Variants in SGCZ observed in about 807,000 individuals in gnomAD.
SGCZ encodes the protein sarcoglycan zeta.
A neutral mutation model predicts 41.3 loss-of-function variants in SGCZ; 40 were observed. The observed-to-expected ratio is 0.97, with a 90% CI of 0.75 to 1.26. SGCZ has a LOEUF of 1.26. Ranked by LOEUF, SGCZ falls within the 50% of genes most tolerant of loss-of-function variation. The pLI is 0.00. For missense variants in SGCZ, 552 were observed against 369.8 expected (o/e 1.49, Z -4.04); for synonymous variants, 206 against 137.5 (o/e 1.50, Z -3.49).
intron 2 of SGCZ, among the ~76,000 whole-genome samples, chr8:14,430,231 G>A (rs967595982): frequency 2.0e-5 from 3 of 151,932 alleles, no homozygotes; most frequent in Non-Finnish European, 4.4e-5. Flanking sequence ...AACCAGGAAA[G>A]GACATAAACA....
chr8:14,638,264 G>T (rs554122541), intron 1 of SGCZ, among the ~76,000 whole-genome samples: 1 of 151,726 alleles, frequency 6.6e-6, no homozygotes, highest in Non-Finnish European at 1.5e-5. Context: ...AGTCTACTCC[G>T]TTGCTTCATC....
At chr8:14,232,829 C>T (rs887478325) in intron 4 of SGCZ, among the ~76,000 whole-genome samples, 1 of 151,906 alleles carries the variant, frequency 6.6e-6, no homozygotes, top group African/African-American at 2.4e-5. Flanking sequence ...ACAAGGATAC[C>T]TATGATGAAA....
intron 2 of SGCZ, among the ~76,000 whole-genome samples, chr8:14,505,791 C>G (rs570783262): frequency 6.6e-6 from 1 of 152,136 alleles, no homozygotes; most frequent in Admixed American, 6.6e-5. Context: ...TGTAATGGTT[C>G]TCAAAAACTG....
chr8:14,744,393 C>T (rs1190637309), intron 1 of SGCZ, among the ~76,000 whole-genome samples: 1 of 152,102 alleles, frequency 6.6e-6, no homozygotes, highest in East Asian at 1.9e-4. Flanking sequence ...GGCTGTCTGC[C>T]CAAAGCCAGA....
chr8:14,348,396 C>T (rs1344911428), intron 2 of SGCZ, among the ~76,000 whole-genome samples: 12 of 152,108 alleles, frequency 7.9e-5, no homozygotes, highest in Non-Finnish European at 7.4e-5. Context: ...GAGCAGTGAG[C>T]AACTGAACCT....
intron 4 of SGCZ, among the ~76,000 whole-genome samples, chr8:14,205,252 A>C (rs1050655227): frequency 6.6e-6 from 1 of 152,100 alleles, no homozygotes; most frequent in Non-Finnish European, 1.5e-5. Context: ...CTCTGGAGAC[A>C]TCAATTGAAA....
At chr8:14,240,355 AG>A (rs1175335415) in intron 3 of SGCZ, among the ~76,000 whole-genome samples, 38 of 132,178 alleles carry the variant, frequency 2.9e-4, no homozygotes, top group Admixed American at 2.2e-3. Flanking sequence ...AAAAAAAAAA[AG>A]AACTGAAAGT....
chr8:14,586,505 G>A (rs922585705), intron 1 of SGCZ, among the ~76,000 whole-genome samples: 15 of 152,036 alleles, frequency 9.9e-5, no homozygotes, highest in Non-Finnish European at 1.8e-4. Flanking sequence ...TAGCCACCAC[G>A]CCCAGCGCAA....
At chr8:14,147,268 C>A (rs1465784587) in intron 5 of SGCZ, among the ~76,000 whole-genome samples, 5 of 151,976 alleles carry the variant, frequency 3.3e-5, no homozygotes, top group African/African-American at 1.2e-4. Context: ...AAGACAGTGA[C>A]TGGCTGAATA....
chr8:15,052,024 C>T (rs1177016647), intron 1 of SGCZ, among the ~76,000 whole-genome samples: 1 of 152,050 alleles, frequency 6.6e-6, no homozygotes, highest in Non-Finnish European at 1.5e-5. Flanking sequence ...AATGTCAAAG[C>T]TTGGATGGTG....
chr8:15,042,279 G>A (rs7004485), intron 1 of SGCZ, among the ~76,000 whole-genome samples: 54,339 of 152,002 alleles, frequency 0.36, 9,772 homozygotes, highest in South Asian at 0.51. Context: ...CCTAGCTGAC[G>A]GCAGTTCCCT....
chr8:14,913,039 A>T (rs993320268), intron 1 of SGCZ, among the ~76,000 whole-genome samples: 1 of 152,082 alleles, frequency 6.6e-6, no homozygotes, highest in African/African-American at 2.4e-5. Context: ...TTCATAATGC[A>T]TGCTGTCATA....
chr8:15,070,361 T>A (rs1033308703), intron 1 of SGCZ, among the ~76,000 whole-genome samples: 9 of 152,210 alleles, frequency 5.9e-5, no homozygotes, highest in Non-Finnish European at 1.5e-5. Context: ...TATATATACA[T>A]GCTTGTTTCA....
rs185076878 is a variant in SGCZ at position 14,562,305 on chromosome 8, C to T, written c.40-7379G>A. 3.0e-4 allele frequency among the ~76,000 whole-genome samples: 46 copies of T among 152,016 alleles called. No individual in the cohort carries two copies. In the South Asian group the frequency reaches 5.0e-3, roughly 17 times the overall value. On this transcript the variant is annotated intron_variant, in intron 1 of 7. Transcript: ENST00000382080. ...TTGTTTTCATTTAATAAAATATTTA[C>T]GAGTGAAAACTATTGGAAGGTAGAG...
At chr8:14,269,727 C>T (rs1172766877) in intron 3 of SGCZ, among the ~76,000 whole-genome samples, 1 of 152,062 alleles carries the variant, frequency 6.6e-6, no homozygotes, top group Non-Finnish European at 1.5e-5. Flanking sequence ...TCACCATCCC[C>T]AGTGAGTGTA....
chr8:15,058,491 T>C (rs1411862847), intron 1 of SGCZ, among the ~76,000 whole-genome samples: 1 of 152,222 alleles, frequency 6.6e-6, no homozygotes, highest in Non-Finnish European at 1.5e-5. Context: ...CAGTAATAAA[T>C]ACTATAACAA....
At chr8:14,764,681 G>C (rs1364066029) in intron 1 of SGCZ, among the ~76,000 whole-genome samples, 1 of 152,082 alleles carries the variant, frequency 6.6e-6, no homozygotes, top group African/African-American at 2.4e-5. Context: ...GGAGATTAAA[G>C]ACAAATAAAT....
At chr8:14,112,770 C>G (rs1312332092) in intron 5 of SGCZ, among the ~76,000 whole-genome samples, 2 of 152,078 alleles carry the variant, frequency 1.3e-5, no homozygotes, top group African/African-American at 4.8e-5. Flanking sequence ...CTTGCAATTT[C>G]TAACAGAATT....
In SGCZ at chr8:15,233,761, T is replaced by C. The variant is rs181560509; in HGVS notation, c.39+3824A>G. On this transcript the variant is annotated intron_variant, in intron 1 of 7. Coordinates refer to ENST00000382080, the MANE Select transcript of SGCZ (RefSeq NM_139167.4). Reference sequence around the variant, plus strand: ...AACGTGCAAAATAATTAAGAAAATATTCCAGAAGCATACCGTTCATGTTCT... The same window carrying C: ...AACGTGCAAAATAATTAAGAAAATACTCCAGAAGCATACCGTTCATGTTCT... Among the ~76,000 whole-genome samples, 263 of 152,244 alleles carry C rather than the reference T, an allele frequency of 1.7e-3. 1 individual carries two copies. Among genetic ancestry groups the C allele is most frequent in the Admixed American group, 2.9e-3 (44 of 15,294 alleles).
Sources: allele counts gnomAD v4.1 joint callset (sites outside exome capture counted in the v4.1 genomes callset), GRCh38; gene constraint gnomAD v4.1.1; transcripts MANE v1.5; gene names NCBI Gene and HGNC (gene_info 2026-07-23, HGNC 2026-07-21).